The following PLA2G10 variants were observed in gnomAD, a reference collection of about 807,000 sequenced individuals.
PLA2G10 encodes group 10 secretory phospholipase A2.
A neutral mutation model predicts 7.9 loss-of-function variants in PLA2G10; 9 were observed. The observed-to-expected ratio is 1.14, with a 90% CI of 0.68 to 1.98. The LOEUF is 1.98. Ranked by LOEUF, PLA2G10 falls within the 30% of genes most tolerant of loss-of-function variation. PLA2G10 has a pLI of 0.00. For missense variants in PLA2G10, 53 were observed against 65.4 expected (o/e 0.81, Z 0.66); for synonymous variants, 19 against 27.5 (o/e 0.69, Z 0.97).
intron 3 of PLA2G10, among the ~76,000 whole-genome samples, chr16:14,674,910 G>T (rs1168033940): frequency 6.6e-6 from 1 of 152,118 alleles, no homozygotes; most frequent in African/African-American, 2.4e-5. Flanking sequence ...AGTGGCTCAT[G>T]CCTGTAATCC....
chr16:14,678,684 C>T (rs781757556), intron 3 of PLA2G10: 13 of 390,594 alleles, frequency 3.3e-5, no homozygotes, highest in South Asian at 1.3e-4. Context: ...GTGCGAGGAT[C>T]GCTTGAGCCC....
chr16:14,682,431 T>C (rs1348949325), intron 3 of PLA2G10, among the ~76,000 whole-genome samples: 1 of 151,882 alleles, frequency 6.6e-6, no homozygotes. Context: ...AAAAATTAGC[T>C]GGGCATGGTG....
intron 3 of PLA2G10, among the ~76,000 whole-genome samples, chr16:14,687,729 C>T (rs1176077828): frequency 6.6e-6 from 1 of 151,282 alleles, no homozygotes; most frequent in Non-Finnish European, 1.5e-5. Context: ...AGACACCATG[C>T]CTCACGCCTG....
Position 14,672,717 on chromosome 16 carries a change from A to T in PLA2G10, c.388T>A (p.Cys130Ser), listed in dbSNP as rs372227161. ...TTAGCAATCTCCTGGTCACACTTGC[A>T]CAACAGTTCTTGGCATTTGTTCTCT... ...PAENKCQELL[C>S]KCDQEIANCL... The change falls in exon 4 of 4, where the codon TGC (cysteine) becomes AGC (serine). Residue 130 changes from cysteine (C) to serine (S), a missense_variant. Physicochemically the swap from Cys to Ser is moderately radical, Grantham distance 112 (BLOSUM62 -1). This residue lies in a region of PLA2G10 where 48 missense variants were observed against 47.0 expected (regional missense o/e 1.02). Coordinates refer to ENST00000438167, the MANE Select transcript of PLA2G10 (RefSeq NM_003561.3). The T allele has an allele frequency of 2.4e-5, 38 of 1,614,090 alleles. No homozygotes were observed. The highest frequency in any genetic ancestry group is 3.3e-4 in the Middle Eastern group (2 of 6,060).
chr16:14,682,659 C>A (rs1049758791), intron 3 of PLA2G10, among the ~76,000 whole-genome samples: 3 of 152,170 alleles, frequency 2.0e-5, no homozygotes, highest in East Asian at 1.9e-4. Context: ...GTCAGCAGAA[C>A]CTGGAGTTTT....
intron 3 of PLA2G10, among the ~76,000 whole-genome samples, chr16:14,677,853 AGATGGATGGATG>A (rs66604338): frequency 1.2e-3 from 179 of 146,186 alleles, no homozygotes; most frequent in Middle Eastern, 3.4e-3. Context: ...ATGGATGGAT[AGATGGATGGATG>A]GATGGATGGA....
chr16:14,681,080 C>A (rs1960877528), intron 3 of PLA2G10, among the ~76,000 whole-genome samples: 1 of 151,786 alleles, frequency 6.6e-6, no homozygotes, highest in African/African-American at 2.4e-5. Context: ...AGGAGAATGG[C>A]TTGAACCGGG....
chr16:14,693,427 A>G (rs1961189759), intron 1 of PLA2G10, among the ~76,000 whole-genome samples: 1 of 2,734 alleles, frequency 3.7e-4, no homozygotes, highest in Non-Finnish European at 7.9e-4. Flanking sequence ...CCCTAGCGGT[A>G]TGTCAGTATT....
At chr16:14,687,362 C>A (rs1329598900) in intron 3 of PLA2G10, among the ~76,000 whole-genome samples, 1 of 147,456 alleles carries the variant, frequency 6.8e-6, no homozygotes, top group Non-Finnish European at 1.5e-5. Context: ...TGGGTTTTGC[C>A]CTGTTACACA....
intron 3 of PLA2G10, among the ~76,000 whole-genome samples, chr16:14,674,816 C>G (rs1960683228): frequency 6.6e-6 from 1 of 151,894 alleles, no homozygotes; most frequent in Admixed American, 6.6e-5. Context: ...ATACATAGAC[C>G]AACAGAACAG....
chr16:14,677,779 G>A (rs1960763404), intron 3 of PLA2G10, among the ~76,000 whole-genome samples: 1 of 151,602 alleles, frequency 6.6e-6, no homozygotes, highest in Non-Finnish European at 1.5e-5. Context: ...TAGATGGATG[G>A]TGGGTGGATG....
chr16:14,680,460 G>A (rs558873223), intron 3 of PLA2G10, among the ~76,000 whole-genome samples: 4 of 152,082 alleles, frequency 2.6e-5, no homozygotes, highest in African/African-American at 7.2e-5. Context: ...GCATGATCAC[G>A]GCTCACTGCA....
chr16:14,685,675 G>A (rs1961036058), intron 3 of PLA2G10, among the ~76,000 whole-genome samples: 1 of 152,090 alleles, frequency 6.6e-6, no homozygotes, highest in South Asian at 2.1e-4. Context: ...TTAATTTTGT[G>A]TTATGTCTAT....
At chr16:14,676,476 C>T (rs1032044993) in intron 3 of PLA2G10, among the ~76,000 whole-genome samples, 2 of 152,108 alleles carry the variant, frequency 1.3e-5, no homozygotes, top group African/African-American at 4.8e-5. Flanking sequence ...GTCAGGAGTT[C>T]AAGACCAGCC....
In PLA2G10 at chr16:14,675,791, T is replaced by C. The variant is rs535945611; in HGVS notation, c.356-3042A>G. Among the ~76,000 whole-genome samples the C allele has an allele frequency of 2.0e-5, 3 of 151,922 alleles. No homozygotes were observed. The South Asian group carries it at 6.2e-4, about 32-fold the overall frequency. ...CCGTCTCTACTAAAAATACAAAAAT[T>C]AGCCTAGTGTGGTGGCTCATGCCTG... On this transcript the variant is annotated intron_variant, in intron 3 of 3. Coordinates refer to ENST00000438167, the MANE Select transcript of PLA2G10 (RefSeq NM_003561.3).
intron 3 of PLA2G10, among the ~76,000 whole-genome samples, chr16:14,682,337 C>T (rs867235932): frequency 8.5e-5 from 13 of 152,134 alleles, no homozygotes; most frequent in Non-Finnish European, 1.5e-5. Flanking sequence ...AATCCCAAAA[C>T]TTTGGGAGGC....
intron 3 of PLA2G10, among the ~76,000 whole-genome samples, chr16:14,674,788 G>A (rs1037573822): frequency 3.9e-5 from 6 of 152,012 alleles, no homozygotes; most frequent in Non-Finnish European, 8.8e-5. Flanking sequence ...AAACAGCATG[G>A]TACTAATATA....
chr16:14,681,212 A>G (rs931629516), intron 3 of PLA2G10, among the ~76,000 whole-genome samples: 2 of 151,236 alleles, frequency 1.3e-5, no homozygotes, highest in Non-Finnish European at 2.9e-5. Context: ...GGGGAGAGAG[A>G]GAGAGGAGGG....
intron 3 of PLA2G10, among the ~76,000 whole-genome samples, chr16:14,682,939 G>A (rs1960932956): frequency 6.6e-6 from 1 of 152,026 alleles, no homozygotes; most frequent in African/African-American, 2.4e-5. Flanking sequence ...TGTGGTGGCA[G>A]GGGCCTGTAA....
Sources: gnomAD v4.1 joint callset for allele counts (sites outside exome capture counted in the v4.1 genomes callset) on GRCh38, gnomAD v4.1.1 for gene constraint, gnomAD v4.1.1 regional missense constraint, MANE v1.5 for transcripts, NCBI Gene and HGNC (gene_info 2026-07-23, HGNC 2026-07-21) for gene names.